CACNA1D: variants seen among roughly 807,000 people sequenced by gnomAD.
CACNA1D encodes the protein voltage-dependent L-type calcium channel subunit alpha-1D.
In CACNA1D, 55 loss-of-function variants were observed where a neutral mutation model predicts 257.1. The observed-to-expected ratio is 0.21, with a 90% CI of 0.17 to 0.27. The LOEUF (loss-of-function observed/expected upper bound fraction) is 0.27, where lower values mean the gene tolerates loss of function less well. CACNA1D is among the 10% of genes least tolerant of loss of function. The pLI, the probability that CACNA1D is intolerant of heterozygous loss-of-function variation, is 1.00. For missense variants in CACNA1D, 1,876 were observed against 2,784.0 expected, an observed-to-expected ratio of 0.67 and a Z score of 7.34; for synonymous variants, 980 against 1,014.9, an observed-to-expected ratio of 0.97 and a Z score of 0.65.
At chr3:53,763,353 C>T (rs2095314730) in intron 30 of CACNA1D, among the ~76,000 whole-genome samples, 1 of 152,212 alleles carries the variant, frequency 6.6e-6, no homozygotes, top group East Asian at 1.9e-4. Context: ...AGCACCTCTC[C>T]CCCTGCAAAA....
At chr3:53,713,107 G>A (rs987828011) in intron 9 of CACNA1D, among the ~76,000 whole-genome samples, 10 of 152,266 alleles carry the variant, frequency 6.6e-5, no homozygotes, top group African/African-American at 2.2e-4. Context: ...TGAGGGTGGT[G>A]GGCAGGGGCT....
At chr3:53,510,240 G>A (rs774415576) in intron 3 of CACNA1D, among the ~76,000 whole-genome samples, 1 of 152,102 alleles carries the variant, frequency 6.6e-6, no homozygotes, top group Non-Finnish European at 1.5e-5. Flanking sequence ...TTTTCACAGC[G>A]TGTGTGTACG....
chr3:53,767,367 C>T (rs1323827777), intron 30 of CACNA1D, among the ~76,000 whole-genome samples: 1 of 152,040 alleles, frequency 6.6e-6, no homozygotes, highest in African/African-American at 2.4e-5. Context: ...GAGTTGGAGA[C>T]CAGTCTGGCC....
intron 3 of CACNA1D, among the ~76,000 whole-genome samples, chr3:53,517,140 A>G (rs1353499143): frequency 6.6e-6 from 1 of 152,092 alleles, no homozygotes; most frequent in Non-Finnish European, 1.5e-5. Context: ...CATCATCCTT[A>G]TGGCTGTCTG....
chr3:53,771,618 G>A (rs1195379426), intron 32 of CACNA1D, among the ~76,000 whole-genome samples: 4 of 152,192 alleles, frequency 2.6e-5, no homozygotes, highest in African/African-American at 9.7e-5. Flanking sequence ...CAGAATCCTC[G>A]ACAGTTATTA....
chr3:53,545,628 A>G (rs1022537571), intron 3 of CACNA1D, among the ~76,000 whole-genome samples: 2 of 152,204 alleles, frequency 1.3e-5, no homozygotes, highest in Non-Finnish European at 2.9e-5. Context: ...AAAACAAAGT[A>G]ATTTGGGGGT....
chr3:53,812,446 T>TATCA lies in CACNA1D; in HGVS notation c.*1041_*1044dup, dbSNP rs936816567. ...AAAATATTTTGAGTCACTATAAACCTATCATCTTTCCACAAGATATACCAG... is the reference window on the plus strand; with the variant it reads ...AAAATATTTTGAGTCACTATAAACCTATCAATCATCTTTCCACAAGATATACCAG... On this transcript the variant is annotated 3_prime_UTR_variant, in exon 48 of 48. Coordinates refer to ENST00000350061, the MANE Select transcript of CACNA1D (RefSeq NM_001128840.3). 5.3e-5 allele frequency: 8 copies of TATCA among 151,472 alleles called. No individual in the cohort carries two copies. The East Asian group carries it at 5.8e-4, about 11-fold the overall frequency. 9.4% of individuals were successfully genotyped at this position (151,472 alleles called of 1,614,324 possible).
intron 3 of CACNA1D, among the ~76,000 whole-genome samples, chr3:53,534,504 G>C (rs1249575732): frequency 6.6e-6 from 1 of 152,122 alleles, no homozygotes; most frequent in Non-Finnish European, 1.5e-5. Flanking sequence ...GGCTAGGGTG[G>C]TGCCTGCAGC....
At chr3:53,781,698 TG>T (rs772544494) in intron 39 of CACNA1D, 31 bp downstream of exon 39, 1 of 1,411,962 alleles carries the variant, frequency 7.1e-7, no homozygotes, top group African/African-American at 1.4e-5. Flanking sequence ...AAGTAGTCCT[TG>T]GCCAGTGCTT....
At chr3:53,634,412 C>T (rs1357902959) in intron 3 of CACNA1D, among the ~76,000 whole-genome samples, 1 of 152,162 alleles carries the variant, frequency 6.6e-6, no homozygotes, top group East Asian at 1.9e-4. Context: ...GCCAACAGGA[C>T]TTCCATGGTT....
At chr3:53,560,545 G>A (rs1216786147) in intron 3 of CACNA1D, among the ~76,000 whole-genome samples, 1 of 152,138 alleles carries the variant, frequency 6.6e-6, no homozygotes, top group African/African-American at 2.4e-5. Context: ...TAAAGCAGAG[G>A]CTGGCAAATG....
intron 29 of CACNA1D, among the ~76,000 whole-genome samples, chr3:53,754,576 C>T (rs897844279): frequency 6.6e-6 from 1 of 152,204 alleles, no homozygotes; most frequent in Admixed American, 6.5e-5. Context: ...GACTGTCGGC[C>T]ACTGCTGTTC....
intron 10 of CACNA1D, 194 bp downstream of exon 10, chr3:53,718,582 G>GGCCCCCCCC: frequency 3.1e-6 from 1 of 323,332 alleles, no homozygotes; most frequent in Non-Finnish European, 5.6e-6. Context: ...CCCACCCCCC[G>GGCCCCCCCC]CCCCCCCGCC....
intron 3 of CACNA1D, among the ~76,000 whole-genome samples, chr3:53,589,255 C>T (rs1296560045): frequency 3.3e-5 from 5 of 152,114 alleles, no homozygotes; most frequent in African/African-American, 7.2e-5. Flanking sequence ...AGAATAGTTG[C>T]GCATCCTTCT....
chr3:53,664,565 C>T (rs1009542895), intron 5 of CACNA1D, among the ~76,000 whole-genome samples: 1 of 152,240 alleles, frequency 6.6e-6, no homozygotes, highest in Non-Finnish European at 1.5e-5. Flanking sequence ...AGACTCACCA[C>T]CCTCAAGCCC....
chr3:53,803,284 CA>C, intron 43 of CACNA1D, 138 bp from the exon 44 acceptor site: 1 of 867,300 alleles, frequency 1.2e-6, no homozygotes, highest in South Asian at 1.4e-5. Context: ...CGGAACAGTC[CA>C]GTGCTGCCTG....
chr3:53,799,032 C>G (rs111236050), intron 40 of CACNA1D, among the ~76,000 whole-genome samples: 1,854 of 152,322 alleles, frequency 0.012, 44 homozygotes, highest in African/African-American at 0.041. Flanking sequence ...TTTTCCTTTG[C>G]AAACCACCCT....
chr3:53,810,771 AAAAAAAAAAAAAAAAC>A (rs1394742722), intron 47 of CACNA1D, among the ~76,000 whole-genome samples: 12 of 146,738 alleles, frequency 8.2e-5, no homozygotes, highest in South Asian at 2.1e-4. Context: ...AAAAAAAAAA[AAAAAAAAAAAAAAAAC>A]AAAAACTGGT....
At chr3:53,710,309 C>T in intron 9 of CACNA1D, 1 of 435,716 alleles carries the variant, frequency 2.3e-6, no homozygotes, top group East Asian at 7.1e-5. Flanking sequence ...ACCTGGCTGG[C>T]AGGGCTGGCC....
Sources: gnomAD v4.1 joint callset for allele counts (sites outside exome capture counted in the v4.1 genomes callset) on GRCh38, gnomAD v4.1.1 for gene constraint, MANE v1.5 for transcripts, NCBI Gene and HGNC (gene_info 2026-07-23, HGNC 2026-07-21) for gene names.